The following RARB variants were observed in gnomAD, a reference collection of about 807,000 sequenced individuals.
RARB encodes the protein HBV-activated protein.
RARB carries 17 observed loss-of-function variants against 51.9 expected under a neutral mutation model. The observed-to-expected ratio is 0.33, with a 90% CI of 0.22 to 0.49. The LOEUF is 0.49. RARB is among the 20% of genes least tolerant of loss of function. The pLI is 0.99. For missense variants in RARB, 369 were observed against 550.8 expected (o/e 0.67, Z 3.30); for synonymous variants, 215 against 195.4 (o/e 1.10, Z -0.84).
At chr3:24,938,721 A>T (rs1695595903) in intron 2 of RARB, among the ~76,000 whole-genome samples, 1 of 152,068 alleles carries the variant, frequency 6.6e-6, no homozygotes, top group Non-Finnish European at 1.5e-5. Flanking sequence ...GTGAATCTAC[A>T]TTCTCCCCGC....
At chr3:25,478,915 G>A (rs1575443219) in intron 2 of RARB, among the ~76,000 whole-genome samples, 1 of 152,136 alleles carries the variant, frequency 6.6e-6, no homozygotes, top group Non-Finnish European at 1.5e-5. Context: ...GCGTTTTCAG[G>A]GTGCTGCCTG....
At chr3:25,378,031 A>G (rs1706516167) in intron 5 of RARB, among the ~76,000 whole-genome samples, 1 of 152,164 alleles carries the variant, frequency 6.6e-6, no homozygotes, top group African/African-American at 2.4e-5. Context: ...TTAGATGAAA[A>G]TGGAACATAA....
chr3:24,918,735 A>G (rs529172092), intron 2 of RARB, among the ~76,000 whole-genome samples: 2 of 152,210 alleles, frequency 1.3e-5, no homozygotes, highest in East Asian at 3.9e-4. Context: ...TACTAAAACT[A>G]TAAAAATTAG....
intron 1 of RARB, among the ~76,000 whole-genome samples, chr3:24,834,201 C>T (rs1702314399): frequency 6.6e-6 from 1 of 152,156 alleles, no homozygotes; most frequent in Admixed American, 6.5e-5. Flanking sequence ...GCTAAAGCGA[C>T]AGATTATGGA....
At chr3:24,834,094 C>A (rs1312906075) in intron 1 of RARB, among the ~76,000 whole-genome samples, 3 of 152,200 alleles carry the variant, frequency 2.0e-5, no homozygotes, top group Non-Finnish European at 4.4e-5. Flanking sequence ...AGAGCTTATA[C>A]CTTTCATGGT....
At chr3:25,306,808 AC>A (rs1437959127) in intron 5 of RARB, among the ~76,000 whole-genome samples, 1 of 152,232 alleles carries the variant, frequency 6.6e-6, no homozygotes, top group South Asian at 2.1e-4. Context: ...TATGAGCTAA[AC>A]ATGCTGATAG....
chr3:24,996,787 C>T (rs897689491), intron 2 of RARB, among the ~76,000 whole-genome samples: 2 of 151,898 alleles, frequency 1.3e-5, no homozygotes, highest in Non-Finnish European at 2.9e-5. Flanking sequence ...TGTTGATAAT[C>T]TAGTTTTATC....
intron 3 of RARB, among the ~76,000 whole-genome samples, chr3:25,549,819 C>T (rs1338232306): frequency 2.0e-5 from 3 of 151,896 alleles, no homozygotes; most frequent in African/African-American, 7.3e-5. Flanking sequence ...CTTTCATGGT[C>T]ATGGCAACTG....
At chr3:25,174,716 T>C in intron 5 of RARB, 1 of 864,166 alleles carries the variant, frequency 1.2e-6, no homozygotes, top group South Asian at 1.7e-5. Flanking sequence ...TACTTTTAGT[T>C]CTGTGGAAAG....
chr3:25,100,745 T>G (rs1044044227), intron 3 of RARB, among the ~76,000 whole-genome samples: 5 of 152,192 alleles, frequency 3.3e-5, no homozygotes, highest in Non-Finnish European at 5.9e-5. Context: ...CCATTTATAC[T>G]AGGAGATTCC....
At chr3:25,148,663 G>C (rs1277091957) in intron 4 of RARB, among the ~76,000 whole-genome samples, 3 of 152,132 alleles carry the variant, frequency 2.0e-5, no homozygotes, top group African/African-American at 7.2e-5. Context: ...GTGATCTTAA[G>C]CATATCTCAT....
At chr3:25,434,722 A>G (rs1051066707) in intron 1 of RARB, among the ~76,000 whole-genome samples, 9 of 151,578 alleles carry the variant, frequency 5.9e-5, no homozygotes, top group African/African-American at 2.2e-4. Flanking sequence ...TTGTATTTTT[A>G]GTAGAGATGG....
chr3:25,132,876 C>A (rs201418974), intron 4 of RARB, among the ~76,000 whole-genome samples: 1 of 151,730 alleles, frequency 6.6e-6, no homozygotes, highest in Non-Finnish European at 1.5e-5. Flanking sequence ...AACTTTAAAA[C>A]ATTTTTAAAA....
At chr3:25,039,869 G>T (rs1430524669) in intron 2 of RARB, among the ~76,000 whole-genome samples, 4 of 152,164 alleles carry the variant, frequency 2.6e-5, no homozygotes, top group African/African-American at 9.7e-5. Flanking sequence ...GTGGCCCATG[G>T]GCAACTTGAT....
At chr3:25,101,231 C>G (rs1375943344) in intron 3 of RARB, among the ~76,000 whole-genome samples, 1 of 152,106 alleles carries the variant, frequency 6.6e-6, no homozygotes, top group Non-Finnish European at 1.5e-5. Flanking sequence ...AGAAAAGATG[C>G]TTGATGACCT....
rs560285772 is a variant in RARB, at chr3:24,947,862, C to T, written c.-380+89110C>T. Among the ~76,000 whole-genome samples, 5 of 152,164 alleles carry T rather than the reference C, an allele frequency of 3.3e-5. No individual in the cohort carries two copies. In the South Asian group the frequency reaches 1.0e-3, roughly 32 times the overall value. On this transcript the variant is annotated intron_variant, in intron 2 of 11. Transcript: ENST00000383772. ...CAATTATTTAGAATCATTTTTTTCT[C>T]TTCATATCTGTAAAATATGTACCTC... is the stretch of plus-strand genomic sequence containing the variant.
chr3:25,390,201 G>A (rs963779927), intron 5 of RARB, among the ~76,000 whole-genome samples: 1 of 152,102 alleles, frequency 6.6e-6, no homozygotes, highest in African/African-American at 2.4e-5. Flanking sequence ...CCTTATAAAA[G>A]AGGCCTGAAA....
At chr3:25,156,604 G>A (rs973401432) in intron 4 of RARB, among the ~76,000 whole-genome samples, 3 of 140,200 alleles carry the variant, frequency 2.1e-5, no homozygotes, top group African/African-American at 8.0e-5. Flanking sequence ...CTTGTCCACA[G>A]AGAACAAAAC....
intron 2 of RARB, among the ~76,000 whole-genome samples, chr3:25,027,689 C>CT (rs11305116): frequency 6.6e-6 from 1 of 151,560 alleles, no homozygotes; most frequent in Non-Finnish European, 1.5e-5. Context: ...TATCAAAATG[C>CT]TTTTTTTTTC....
Sources: allele counts gnomAD v4.1 joint callset (sites outside exome capture counted in the v4.1 genomes callset), GRCh38; gene constraint gnomAD v4.1.1; transcripts MANE v1.5; gene names NCBI Gene and HGNC (gene_info 2026-07-23, HGNC 2026-07-21).